SFMBT1: variants seen among roughly 807,000 people sequenced by gnomAD.
The protein encoded by SFMBT1 is Scm like with four mbt domains 1.
A neutral mutation model predicts 108.7 loss-of-function variants in SFMBT1; 32 were observed. The ratio of observed to expected loss-of-function variants is 0.29; its 90% CI spans 0.22 to 0.40. The LOEUF is 0.40. Among genes scored for constraint, SFMBT1 ranks in the 10% least tolerant of loss-of-function variants. SFMBT1 has a pLI of 1.00. For missense variants in SFMBT1, 816 were observed against 1,059.6 expected (o/e 0.77, Z 3.19); for synonymous variants, 348 against 369.5 (o/e 0.94, Z 0.67).
In SFMBT1 at chr3:52,920,650, C is replaced by T; in HGVS notation, c.1259G>A (p.Gly420Asp). The T allele has an allele frequency of 6.3e-7, 1 of 1,578,452 alleles. No individual in the cohort carries two copies. The highest frequency in any genetic ancestry group is 8.7e-7 in the Non-Finnish European group (1 of 1,151,198). ...ACATTCAGGTATAGGCTTCTTAGAACCTGTTTAGATTTAAACAAACAAACA... is the reference window on the plus strand; with the variant it reads ...ACATTCAGGTATAGGCTTCTTAGAATCTGTTTAGATTTAAACAAACAAACA... ...RGSYLWLQLE[G>D]SKKPIPECIV... Residue 420 changes from glycine to aspartate, a missense_variant and splice_region_variant, in exon 12 of 21, where the codon GGT becomes GAT. Physicochemically the swap from Gly to Asp is moderately conservative, Grantham distance 94. Coordinates refer to ENST00000394752, the MANE Select transcript of SFMBT1 (RefSeq NM_016329.4).
chr3:52,953,509 TAA>T (rs1029701368), intron 3 of SFMBT1, among the ~76,000 whole-genome samples: 4 of 152,094 alleles, frequency 2.6e-5, no homozygotes, highest in African/African-American at 9.7e-5. Context: ...TCTTACATTC[TAA>T]AGTCATTACA....
intron 1 of SFMBT1, among the ~76,000 whole-genome samples, chr3:52,998,818 C>G (rs866333342): frequency 2.0e-5 from 3 of 150,798 alleles, no homozygotes; most frequent in Middle Eastern, 3.4e-3. Context: ...GACTGGCCCA[C>G]AACGTCTTCA....
In SFMBT1 at chr3:53,026,870, G is replaced by A. The variant is rs568296293; in HGVS notation, c.-131+18946C>T. On this transcript the variant is annotated intron_variant, in intron 1 of 20. Transcript: ENST00000394752. ...GGCTGGAGTAAGATGGTGCAATCACGGCTTACTGCAGCCTCGACCTCCTGG... is the reference window on the plus strand; with the variant it reads ...GGCTGGAGTAAGATGGTGCAATCACAGCTTACTGCAGCCTCGACCTCCTGG... Among the ~76,000 whole-genome samples the A allele has an allele frequency of 1.2e-4, 18 of 152,250 alleles. No individual in the cohort carries two copies. In the South Asian group the frequency reaches 2.7e-3, roughly 23 times the overall value.
chr3:52,980,242 T>TGTA (rs1341277482), intron 1 of SFMBT1, among the ~76,000 whole-genome samples: 1 of 151,990 alleles, frequency 6.6e-6, no homozygotes, highest in Admixed American at 6.6e-5. Context: ...CAAAATTAAG[T>TGTA]GTAGTACATA....
chr3:53,044,650 A>C (rs1456415607), intron 1 of SFMBT1, among the ~76,000 whole-genome samples: 4 of 152,236 alleles, frequency 2.6e-5, no homozygotes, highest in Non-Finnish European at 5.9e-5. Flanking sequence ...ACATCTTAGA[A>C]AATGTGGTTC....
intron 1 of SFMBT1, among the ~76,000 whole-genome samples, chr3:53,017,353 CA>C (rs1699160324): frequency 6.6e-6 from 1 of 152,170 alleles, no homozygotes; most frequent in Non-Finnish European, 1.5e-5. Context: ...AGTATAGTGA[CA>C]CTTATTTTTT....
intron 2 of SFMBT1, among the ~76,000 whole-genome samples, chr3:52,956,178 T>C (rs1018648508): frequency 6.6e-6 from 1 of 152,206 alleles, no homozygotes; most frequent in Non-Finnish European, 1.5e-5. Flanking sequence ...AAACTCTCAG[T>C]AGGCTGGGCG....
chr3:52,940,252 T>A (rs967814199), intron 4 of SFMBT1, among the ~76,000 whole-genome samples: 1 of 152,230 alleles, frequency 6.6e-6, no homozygotes, highest in Non-Finnish European at 1.5e-5. Flanking sequence ...CCCAGGACCC[T>A]AACACTCAGA....
chr3:52,986,043 T>A lies in SFMBT1; in HGVS notation c.-130-16785A>T, dbSNP rs372310322. On this transcript the variant is annotated intron_variant, in intron 1 of 20. Transcript: ENST00000394752. ...CTGTAGTCCCAGCTACTCAGGAGGC[T>A]GAGGCAGGAGAATTGCTTGAACCTG... Among the ~76,000 whole-genome samples, 5 of 150,634 alleles carry A rather than the reference T, an allele frequency of 3.3e-5. No homozygotes were observed. In the East Asian group the frequency reaches 9.8e-4, roughly 29 times the overall value.
intron 10 of SFMBT1, 113 bp downstream of exon 10, chr3:52,925,918 T>C (rs925754504): frequency 1.1e-6 from 1 of 896,160 alleles, no homozygotes; most frequent in Non-Finnish European, 1.7e-6. Flanking sequence ...ACCACTGTGC[T>C]CATCTGGATT....
chr3:53,011,606 G>A lies in SFMBT1; in HGVS notation c.-131+34210C>T, dbSNP rs76092875. Among the ~76,000 whole-genome samples the A allele has an allele frequency of 3.6e-4, 55 of 152,288 alleles. No individual in the cohort carries two copies. In the East Asian group the frequency reaches 9.6e-3, roughly 27 times the overall value. On this transcript the variant is annotated intron_variant, in intron 1 of 20. Coordinates refer to ENST00000394752, the MANE Select transcript of SFMBT1 (RefSeq NM_016329.4). ...AAGCAGAGAAGCGGCCATCAGAATG[G>A]TGTCAAAGGATTGAGCCTAAGAGAC... is the stretch of plus-strand genomic sequence containing the variant.
intron 1 of SFMBT1, among the ~76,000 whole-genome samples, chr3:53,037,310 A>G (rs1173812892): frequency 6.6e-6 from 1 of 152,200 alleles, no homozygotes; most frequent in Non-Finnish European, 1.5e-5. Flanking sequence ...GAGCCTGACA[A>G]CAAAGAAAGT....
At chr3:52,942,011 G>C (rs34366510) in intron 4 of SFMBT1, among the ~76,000 whole-genome samples, 13 of 152,324 alleles carry the variant, frequency 8.5e-5, no homozygotes, top group Admixed American at 3.3e-4. Context: ...CTAGCTATTA[G>C]GGAGGCTGAG....
intron 1 of SFMBT1, among the ~76,000 whole-genome samples, chr3:53,039,783 C>G (rs1309587623): frequency 6.6e-6 from 1 of 152,126 alleles, no homozygotes; most frequent in African/African-American, 2.4e-5. Flanking sequence ...TACAGGTGTC[C>G]GCCACCACAC....
At chr3:52,916,356 CT>C (rs71087030) in intron 13 of SFMBT1, 142 bp from the exon 14 acceptor site, 193,536 of 344,578 alleles carry the variant, frequency 0.56, 46,526 homozygotes, top group Admixed American at 0.71. Context: ...CTTGATGATA[CT>C]TTTTTTTTTT....
In SFMBT1 at chr3:52,916,214, T is replaced by C. The variant is rs777126453; in HGVS notation, c.1416A>G (p.Gln472=). The change falls in exon 14 of 21, where the codon CAA becomes CAG. Residue 472 remains glutamine (Q), a splice_region_variant and synonymous_variant. Coordinates refer to ENST00000394752, the MANE Select transcript of SFMBT1 (RefSeq NM_016329.4). ...RKIAVVQPEK[Q]VPSSRTVHEG... ...CGTGGACAGTCCTCGAGGATGGTAC[T>C]CTGGGTCAAGAAAACACAGTAAAAT... is the stretch of plus-strand genomic sequence containing the variant. 6.2e-7 allele frequency: 1 copy of C among 1,613,766 alleles called. No homozygotes were observed. The highest frequency in any genetic ancestry group is 8.5e-7 in the Non-Finnish European group (1 of 1,179,742).
In SFMBT1 at chr3:52,918,595, T is replaced by G. The variant is rs187580996; in HGVS notation, c.1373-69A>C. The stretch of plus-strand genomic sequence containing the variant: ...GACAAAGGAAAATTCATATGTGTAT[T>G]AAGGTTACATTAGCATATTTAAAAC... On this transcript the variant is annotated intron_variant, in intron 12 of 20. Transcript: ENST00000394752. 7.1e-4 allele frequency: 703 copies of G among 992,210 alleles called. 4 individuals carry two copies. The African/African-American group carries it at 8.1e-3, about 11-fold the overall frequency. The allele number at this position is 992,210 out of a possible 1,614,324, so 61.5% of individuals were successfully genotyped here. A position where few individuals can be genotyped will look rare whatever the true frequency, so the allele number is the denominator to read the frequency against.
In SFMBT1 at chr3:52,978,303, G is replaced by A. The variant is rs1261055263; in HGVS notation, c.-130-9045C>T. On this transcript the variant is annotated intron_variant, in intron 1 of 20. Coordinates refer to ENST00000394752, the MANE Select transcript of SFMBT1 (RefSeq NM_016329.4). ...GGGAGAGCATGTGAGAGTGAGCTATGTTCTAGGAATAGCAGGGAGGCCAGG... is the reference window on the plus strand; with the variant it reads ...GGGAGAGCATGTGAGAGTGAGCTATATTCTAGGAATAGCAGGGAGGCCAGG... Among the ~76,000 whole-genome samples, 5 of 152,090 alleles carry A rather than the reference G, an allele frequency of 3.3e-5. No individual in the cohort carries two copies. In the East Asian group the frequency reaches 5.8e-4, roughly 18 times the overall value.
chr3:53,018,519 G>A lies in SFMBT1; in HGVS notation c.-131+27297C>T, dbSNP rs1297124351. Among the ~76,000 whole-genome samples the A allele has an allele frequency of 2.0e-5, 3 of 152,212 alleles. No individual in the cohort carries two copies. The East Asian group carries it at 5.8e-4, about 29-fold the overall frequency. On this transcript the variant is annotated intron_variant, in intron 1 of 20. Coordinates refer to ENST00000394752, the MANE Select transcript of SFMBT1 (RefSeq NM_016329.4). ...GTCCCATAAGATCAGCACACAAACA[G>A]GCTCTCATGTTGCTATCTCAATAGT... is the stretch of plus-strand genomic sequence containing the variant.
Sources: gnomAD v4.1 joint callset for allele counts (sites outside exome capture counted in the v4.1 genomes callset) on GRCh38, gnomAD v4.1.1 for gene constraint, MANE v1.5 for transcripts, NCBI Gene and HGNC (gene_info 2026-07-23, HGNC 2026-07-21) for gene names.